The following ALOX5AP variants were observed in gnomAD, a reference collection of about 807,000 sequenced individuals.
ALOX5AP encodes arachidonate 5-lipoxygenase activating protein.
Under a neutral mutation model 18.5 loss-of-function variants are expected in ALOX5AP, and 9 were observed. That is an observed-to-expected ratio of 0.49 (90% CI 0.29 to 0.85). The LOEUF (loss-of-function observed/expected upper bound fraction) is 0.85, where lower values mean the gene tolerates loss of function less well. Ranked by LOEUF, ALOX5AP falls within the 40% of genes least tolerant of loss-of-function variation. The pLI, the probability that ALOX5AP is intolerant of heterozygous loss-of-function variation, is 0.08. For synonymous variants in ALOX5AP, 81 were observed against 78.6 expected, an observed-to-expected ratio of 1.03 and a Z score of -0.16; for missense variants, 172 against 202.5, an observed-to-expected ratio of 0.85 and a Z score of 0.91.
chr13:30,758,942 T>C (rs1951918721), intron 4 of ALOX5AP, among the ~76,000 whole-genome samples: 2 of 152,026 alleles, frequency 1.3e-5, no homozygotes, highest in African/African-American at 4.8e-5. Flanking sequence ...CTCAGCCTCT[T>C]GAGTAGCTGA....
chr13:30,713,915 C>A, intron 1 of ALOX5AP: 1 of 1,476,304 alleles, frequency 6.8e-7, no homozygotes, highest in Non-Finnish European at 9.1e-7. Context: ...TTGACCTGGG[C>A]CCAGGGCCAT....
chr13:30,730,086 G>A (rs552573786), intron 1 of ALOX5AP, among the ~76,000 whole-genome samples: 1 of 152,346 alleles, frequency 6.6e-6, no homozygotes, highest in East Asian at 1.9e-4. Flanking sequence ...TTCGCTTAGC[G>A]CAGATATGAT....
At chr13:30,727,187 G>A (rs1371065801) in intron 1 of ALOX5AP, among the ~76,000 whole-genome samples, 1 of 152,014 alleles carries the variant, frequency 6.6e-6, no homozygotes, top group Non-Finnish European at 1.5e-5. Context: ...CAGAGTAGCT[G>A]GGATTATAGG....
intron 1 of ALOX5AP, among the ~76,000 whole-genome samples, chr13:30,730,312 C>T (rs1366441819): frequency 1.3e-5 from 2 of 152,182 alleles, no homozygotes; most frequent in Non-Finnish European, 2.9e-5. Context: ...CTGATTGTGG[C>T]CAGGGAAGGA....
At chr13:30,756,110 T>A in intron 4 of ALOX5AP, 85 bp downstream of exon 4, 1 of 1,329,264 alleles carries the variant, frequency 7.5e-7, no homozygotes, top group Non-Finnish European at 1.1e-6. Context: ...AGTATTTGAC[T>A]AGATTCACGG....
chr13:30,722,599 T>C (rs1254644097), intron 1 of ALOX5AP, among the ~76,000 whole-genome samples: 1 of 152,228 alleles, frequency 6.6e-6, no homozygotes, highest in Non-Finnish European at 1.5e-5. Context: ...TGCCCAGATG[T>C]CATCTGATCC....
At chr13:30,763,443 C>T (rs1951961403) in intron 4 of ALOX5AP, among the ~76,000 whole-genome samples, 2 of 152,250 alleles carry the variant, frequency 1.3e-5, no homozygotes, top group African/African-American at 2.4e-5. Context: ...CAGTCAGCCT[C>T]AGGAGAATAG....
chr13:30,764,388 T>C lies in ALOX5AP; in HGVS notation c.*282T>C, dbSNP rs200870898. On this transcript the variant is annotated 3_prime_UTR_variant, in exon 5 of 5. Coordinates refer to ENST00000380490, the MANE Select transcript of ALOX5AP (RefSeq NM_001629.4). The stretch of plus-strand genomic sequence containing the variant: ...AAGATGTTTTGTGACCAGGTTTGTG[T>C]TTTCTTAAAATAAAATGCAGAGACA... 26 of 333,796 alleles carry C rather than the reference T, an allele frequency of 7.8e-5. No individual in the cohort carries two copies. Among genetic ancestry groups the C allele is most frequent in the Non-Finnish European group, 1.1e-4 (20 of 184,866 alleles). 20.7% of individuals were successfully genotyped at this position (333,796 alleles called of 1,614,324 possible). A position where few individuals can be genotyped will look rare whatever the true frequency, so the allele number is the denominator to read the frequency against.
At chr13:30,724,976 A>G (rs1277435664) in intron 1 of ALOX5AP, among the ~76,000 whole-genome samples, 1 of 152,170 alleles carries the variant, frequency 6.6e-6, no homozygotes, top group African/African-American at 2.4e-5. Context: ...GGAAAAAACA[A>G]ATTGGAGCAT....
chr13:30,726,588 G>A (rs1951641194), intron 1 of ALOX5AP, among the ~76,000 whole-genome samples: 1 of 152,222 alleles, frequency 6.6e-6, no homozygotes, highest in African/African-American at 2.4e-5. Flanking sequence ...AGTTATAAAT[G>A]TAAGTCAAAA....
At chr13:30,714,101 T>C (rs1420515700) in intron 1 of ALOX5AP, among the ~76,000 whole-genome samples, 2 of 151,918 alleles carry the variant, frequency 1.3e-5, no homozygotes, top group East Asian at 3.9e-4. Flanking sequence ...CTCTCTGCCT[T>C]GCATTAAATA....
rs561882050 is a variant in ALOX5AP, at chr13:30,763,307, C to A, written c.324-637C>A. On this transcript the variant is annotated intron_variant, in intron 4 of 4. Coordinates refer to ENST00000380490, the MANE Select transcript of ALOX5AP (RefSeq NM_001629.4). Reference sequence around the variant, plus strand: ...TGGGCTACAGAGTGAGACTCTATCTCAAAAACAAAGAAACAAACAACAACA... The same window carrying A: ...TGGGCTACAGAGTGAGACTCTATCTAAAAAACAAAGAAACAAACAACAACA... Among the ~76,000 whole-genome samples the A allele has an allele frequency of 2.6e-5, 4 of 152,270 alleles. No individual in the cohort carries two copies. The East Asian group carries it at 7.7e-4, about 29-fold the overall frequency.
In ALOX5AP at chr13:30,752,086, G is replaced by T. The variant is rs201824468; in HGVS notation, c.205G>T (p.Ala69Ser). 89 of 1,611,122 alleles carry T rather than the reference G, an allele frequency of 5.5e-5. No homozygotes were observed. Among genetic ancestry groups the T allele is most frequent in the Non-Finnish European group, 7.5e-5 (89 of 1,178,962 alleles). ...NCVDAYPTFL[A>S]VLWSAGLLCS... ...TGTAGATGCGTACCCCACTTTCCTC[G>T]CTGTGCTCTGGTCTGCGGGGCTACT... is the stretch of plus-strand genomic sequence containing the variant. Residue 69 changes from alanine to serine, a missense_variant, in exon 3 of 5, where the codon GCT becomes TCT. Ala to Ser is a moderately conservative substitution (Grantham distance 99). Coordinates refer to ENST00000380490, the MANE Select transcript of ALOX5AP (RefSeq NM_001629.4).
chr13:30,750,568 C>T (rs999686070), intron 2 of ALOX5AP, among the ~76,000 whole-genome samples: 1 of 152,148 alleles, frequency 6.6e-6, no homozygotes, highest in Non-Finnish European at 1.5e-5. Context: ...AGCTGGATGA[C>T]CCTGAGCAAG....
chr13:30,723,461 A>T (rs1951610430), intron 1 of ALOX5AP, among the ~76,000 whole-genome samples: 1 of 152,226 alleles, frequency 6.6e-6, no homozygotes, highest in Admixed American at 6.5e-5. Flanking sequence ...TACTGAAAAT[A>T]CAGGCCAAAG....
At chr13:30,744,520 A>C (rs1366256949) in intron 2 of ALOX5AP, 1 of 171,878 alleles carries the variant, frequency 5.8e-6, no homozygotes, top group Admixed American at 5.8e-5. Context: ...AGTCACCTTC[A>C]GAAGCCACAG....
At chr13:30,732,426 C>T (rs1951688788), upstream of ALOX5AP, among the ~76,000 whole-genome samples, 1 of 152,198 alleles carries the variant, frequency 6.6e-6, no homozygotes, top group South Asian at 2.1e-4. Flanking sequence ...TCTTTAAAAA[C>T]TGGAAATTTT....
chr13:30,715,014 C>T (rs1951538958), intron 1 of ALOX5AP, among the ~76,000 whole-genome samples: 1 of 152,220 alleles, frequency 6.6e-6, no homozygotes, highest in African/African-American at 2.4e-5. Context: ...TGAGGCACCA[C>T]AACACATAGG....
intron 1 of ALOX5AP, among the ~76,000 whole-genome samples, chr13:30,716,417 G>C (rs1042331277): frequency 2.0e-5 from 3 of 152,350 alleles, no homozygotes; most frequent in South Asian, 2.1e-4. Flanking sequence ...AGGAGCTGTT[G>C]TATCAGCTTA....
Sources: allele counts gnomAD v4.1 joint callset (sites outside exome capture counted in the v4.1 genomes callset), GRCh38; gene constraint gnomAD v4.1.1; transcripts MANE v1.5; gene names NCBI Gene and HGNC (gene_info 2026-07-23, HGNC 2026-07-21).